The following EIF4ENIF1 variants were observed in gnomAD, a reference collection of about 807,000 sequenced individuals.
EIF4ENIF1 encodes the protein eukaryotic translation initiation factor 4E transporter.
Under a neutral mutation model 110.5 loss-of-function variants are expected in EIF4ENIF1, and 23 were observed. That is an observed-to-expected ratio of 0.21 (90% confidence interval 0.15 to 0.29). The LOEUF (loss-of-function observed/expected upper bound fraction) is 0.29, where lower values mean the gene tolerates loss of function less well. Among genes scored for constraint, EIF4ENIF1 ranks in the 10% least tolerant of loss-of-function variants. The pLI, the probability that EIF4ENIF1 is intolerant of heterozygous loss-of-function variation, is 1.00. For synonymous variants in EIF4ENIF1, 440 were observed against 437.0 expected (o/e 1.01, Z -0.09); for missense variants, 1,031 against 1,221.1 (o/e 0.84, Z 2.32).
At chr22:31,463,395 C>T (rs1273640342) in intron 5 of EIF4ENIF1, among the ~76,000 whole-genome samples, 1 of 151,942 alleles carries the variant, frequency 6.6e-6, no homozygotes, top group Non-Finnish European at 1.5e-5. Context: ...AAGACAAACC[C>T]AGGTCGGGTG....
chr22:31,472,790 T>C (rs970970431), intron 2 of EIF4ENIF1, among the ~76,000 whole-genome samples: 2 of 152,200 alleles, frequency 1.3e-5, no homozygotes, highest in African/African-American at 2.4e-5. Flanking sequence ...GGGTGTCAAT[T>C]ACCTCAAGTA....
chr22:31,451,564 G>T (rs143856837), intron 10 of EIF4ENIF1, among the ~76,000 whole-genome samples: 1 of 151,794 alleles, frequency 6.6e-6, no homozygotes, highest in African/African-American at 2.4e-5. Context: ...ATGAGCCACC[G>T]CACCCGGCAA....
At chr22:31,478,702 A>G (rs1036566341) in intron 2 of EIF4ENIF1, among the ~76,000 whole-genome samples, 3 of 151,744 alleles carry the variant, frequency 2.0e-5, no homozygotes, top group African/African-American at 7.3e-5. Context: ...CTGTAATCCC[A>G]GCACTTTGGG....
intron 2 of EIF4ENIF1, among the ~76,000 whole-genome samples, chr22:31,479,785 C>T (rs2051742634): frequency 6.7e-6 from 1 of 149,240 alleles, no homozygotes; most frequent in Admixed American, 6.8e-5. Flanking sequence ...TCATAGCTCA[C>T]TGCAGCCTCA....
intron 2 of EIF4ENIF1, among the ~76,000 whole-genome samples, chr22:31,476,829 CTG>C (rs2051589547): frequency 1.4e-5 from 2 of 146,152 alleles, no homozygotes; most frequent in Non-Finnish European, 3.1e-5. Context: ...GAGTAAGATT[CTG>C]TGTCAAACAA....
chr22:31,441,003 C>T (rs918996190), intron 17 of EIF4ENIF1, 135 bp from the exon 18 acceptor site: 1 of 1,229,380 alleles, frequency 8.1e-7, no homozygotes, highest in Non-Finnish European at 1.1e-6. Context: ...CGCCTGTAAT[C>T]CCCAGCACTT....
intron 3 of EIF4ENIF1, 53 bp downstream of exon 3, chr22:31,471,791 A>G (rs920550025): frequency 2.0e-5 from 29 of 1,449,088 alleles, no homozygotes; most frequent in Non-Finnish European, 2.6e-5. Flanking sequence ...CAAGTTTGGT[A>G]TAACAAAAAG....
intron 6 of EIF4ENIF1, among the ~76,000 whole-genome samples, chr22:31,462,085 G>A (rs2051013223): frequency 6.6e-6 from 1 of 152,186 alleles, no homozygotes; most frequent in Non-Finnish European, 1.5e-5. Flanking sequence ...ACTCTTTCAT[G>A]TACACAGTCC....
At chr22:31,490,806 G>A (rs964393443), upstream of EIF4ENIF1, among the ~76,000 whole-genome samples, 3 of 152,164 alleles carry the variant, frequency 2.0e-5, no homozygotes, top group African/African-American at 7.2e-5. Flanking sequence ...GGTGTGAAGC[G>A]ATACATAGGC....
chr22:31,488,855 A>G (rs1433560830), intron 1 of EIF4ENIF1, 110 bp from the exon 2 acceptor site: 19 of 1,276,870 alleles, frequency 1.5e-5, no homozygotes, highest in Non-Finnish European at 1.8e-5. Flanking sequence ...AGCTAGTGTT[A>G]AAAACAAGTC....
intron 3 of EIF4ENIF1, 84 bp from the exon 4 acceptor site, chr22:31,468,386 G>C: frequency 6.4e-7 from 1 of 1,570,632 alleles, no homozygotes; most frequent in Non-Finnish European, 8.7e-7. Context: ...TCAGCTAATA[G>C]TTATGGAAAC....
intron 4 of EIF4ENIF1, among the ~76,000 whole-genome samples, chr22:31,467,180 TAA>T (rs562002740): frequency 7.2e-5 from 11 of 152,212 alleles, no homozygotes; most frequent in Non-Finnish European, 1.6e-4. Flanking sequence ...ATCATTTTAA[TAA>T]AGTCTCTGCA....
rs2051444768 is a variant in EIF4ENIF1, at chr22:31,473,072, T to G, written c.97-1155A>C. Reference sequence around the variant, plus strand: ...TCCACATATGAGCGAGCTTTTTTTTTTTTTTTTTGACTAGAGAGTAAATTG... The same window carrying G: ...TCCACATATGAGCGAGCTTTTTTTTGTTTTTTTTGACTAGAGAGTAAATTG... On this transcript the variant is annotated intron_variant, in intron 2 of 18. Transcript: ENST00000330125. 4.6e-5 allele frequency among the ~76,000 whole-genome samples: 7 copies of G among 151,904 alleles called. No homozygotes were observed. The South Asian group carries it at 1.5e-3, about 32-fold the overall frequency.
At chr22:31,464,971 A>G (rs973425001) in intron 4 of EIF4ENIF1, among the ~76,000 whole-genome samples, 3 of 151,722 alleles carry the variant, frequency 2.0e-5, no homozygotes, top group Non-Finnish European at 4.4e-5. Flanking sequence ...CAAGCCACAG[A>G]CTGAGACAAA....
chr22:31,446,487 G>T (rs537663903), intron 14 of EIF4ENIF1, among the ~76,000 whole-genome samples: 28 of 152,172 alleles, frequency 1.8e-4, no homozygotes, highest in Non-Finnish European at 3.2e-4. Context: ...TTCTGAAAGG[G>T]TTAACAGGTA....
chr22:31,452,673 ATGT>A (rs2050709588), intron 10 of EIF4ENIF1, among the ~76,000 whole-genome samples: 1 of 152,248 alleles, frequency 6.6e-6, no homozygotes, highest in Non-Finnish European at 1.5e-5. Context: ...CAAGACACAA[ATGT>A]AACGAGAAAG....
intron 5 of EIF4ENIF1, 118 bp from the exon 6 acceptor site, chr22:31,463,251 G>A (rs2051056997): frequency 1.1e-6 from 1 of 939,768 alleles, no homozygotes. Context: ...TATACCTGAG[G>A]CCCATCACCA....
upstream of EIF4ENIF1, among the ~76,000 whole-genome samples, chr22:31,490,531 G>A (rs1308093072): frequency 6.6e-6 from 1 of 152,192 alleles, no homozygotes; most frequent in Non-Finnish European, 1.5e-5. Flanking sequence ...AGCGATAAAG[G>A]CGACTAACAA....
chr22:31,447,593 G>A (rs199773434), intron 13 of EIF4ENIF1, 28 bp from the exon 14 acceptor site: 18 of 1,584,272 alleles, frequency 1.1e-5, no homozygotes, highest in African/African-American at 8.1e-5. Flanking sequence ...GGAGGGTCAG[G>A]AGAAGAGTAA....
Sources: gnomAD v4.1 joint callset for allele counts (sites outside exome capture counted in the v4.1 genomes callset) on GRCh38, gnomAD v4.1.1 for gene constraint, MANE v1.5 for transcripts, NCBI Gene and HGNC (gene_info 2026-07-23, HGNC 2026-07-21) for gene names.